The following KCTD8 variants were observed in gnomAD, a reference collection of about 807,000 sequenced individuals.
KCTD8 encodes potassium channel tetramerization domain containing 8.
In KCTD8, 27 loss-of-function variants were observed where a neutral mutation model predicts 31.5. The observed-to-expected ratio is 0.86, with a 90% CI of 0.63 to 1.18. The LOEUF (loss-of-function observed/expected upper bound fraction) is 1.18. Among genes scored for constraint, KCTD8 ranks in the 50% most tolerant of loss-of-function variants. KCTD8 has a pLI of 0.00. For missense variants in KCTD8, 658 were observed against 647.7 expected (o/e 1.02, Z -0.17); for synonymous variants, 290 against 280.0 (o/e 1.04, Z -0.36).
intron 1 of KCTD8, among the ~76,000 whole-genome samples, chr4:44,246,135 C>T (rs1000409394): frequency 6.6e-6 from 1 of 151,970 alleles, no homozygotes; most frequent in Non-Finnish European, 1.5e-5. Flanking sequence ...ATGGGAAATC[C>T]TTCTAATCTA....
At chr4:44,397,190 G>C (rs1720526381) in intron 1 of KCTD8, among the ~76,000 whole-genome samples, 2 of 152,078 alleles carry the variant, frequency 1.3e-5, no homozygotes, top group African/African-American at 4.8e-5. Context: ...AAACCTAAAT[G>C]AATCAGTTTC....
At chr4:44,325,395 G>A (rs2109408894) in intron 1 of KCTD8, among the ~76,000 whole-genome samples, 1 of 152,050 alleles carries the variant, frequency 6.6e-6, no homozygotes, top group South Asian at 2.1e-4. Context: ...GTGAACATAT[G>A]TTGGTCAAAG....
intron 1 of KCTD8, among the ~76,000 whole-genome samples, chr4:44,232,870 G>A (rs896076139): frequency 7.2e-5 from 11 of 151,878 alleles, no homozygotes; most frequent in Non-Finnish European, 1.6e-4. Flanking sequence ...TAGAAATGTG[G>A]ACATAAATGA....
chr4:44,391,591 T>A (rs1435925439), intron 1 of KCTD8, among the ~76,000 whole-genome samples: 2 of 151,370 alleles, frequency 1.3e-5, no homozygotes, highest in Non-Finnish European at 2.9e-5. Context: ...ATATAACATA[T>A]ATAATATATA....
chr4:44,312,933 T>C (rs1170410389), intron 1 of KCTD8, among the ~76,000 whole-genome samples: 2 of 152,238 alleles, frequency 1.3e-5, no homozygotes, highest in African/African-American at 4.8e-5. Context: ...GAGGAGGCAA[T>C]TGGCATTCTC....
chr4:44,414,554 G>T (rs556262450), intron 1 of KCTD8, among the ~76,000 whole-genome samples: 1 of 152,242 alleles, frequency 6.6e-6, no homozygotes, highest in Middle Eastern at 3.4e-3. Flanking sequence ...AAAACTGGGT[G>T]GCCCCTGAGG....
chr4:44,192,410 G>A (rs1001996913), intron 1 of KCTD8, among the ~76,000 whole-genome samples: 4 of 150,182 alleles, frequency 2.7e-5, no homozygotes, highest in African/African-American at 4.9e-5. Flanking sequence ...TCATCCACTC[G>A]TATGTCCTGA....
chr4:44,279,678 A>G (rs1716846424), intron 1 of KCTD8, among the ~76,000 whole-genome samples: 1 of 152,078 alleles, frequency 6.6e-6, no homozygotes, highest in Non-Finnish European at 1.5e-5. Flanking sequence ...TCTGCCTACC[A>G]AAAGGATTAG....
At chr4:44,296,874 G>A (rs1391580469) in intron 1 of KCTD8, among the ~76,000 whole-genome samples, 1 of 151,560 alleles carries the variant, frequency 6.6e-6, no homozygotes, top group African/African-American at 2.4e-5. Flanking sequence ...CTATCCTCAG[G>A]GTCACAGAGT....
At chr4:44,352,296 T>A (rs1374765837) in intron 1 of KCTD8, among the ~76,000 whole-genome samples, 1 of 151,980 alleles carries the variant, frequency 6.6e-6, no homozygotes, top group Non-Finnish European at 1.5e-5. Flanking sequence ...ATATATGTGA[T>A]GATGGTTAGC....
At position 44,447,588 on chromosome 4, in the gene KCTD8, G is replaced by C; in HGVS notation, c.936C>G (p.Ser312Arg). The C allele has an allele frequency of 6.3e-7, 1 of 1,596,912 alleles. No individual in the cohort carries two copies. The highest frequency in any genetic ancestry group is 8.5e-7 in the Non-Finnish European group (1 of 1,171,198). ...VNQYRDDKIW[S>R]SYTEYIFFRP... ...GGAAGAAAATGTACTCGGTGTAGCTGCTCCAGATCTTGTCGTCGCGGTACT... is the reference window on the plus strand; with the variant it reads ...GGAAGAAAATGTACTCGGTGTAGCTCCTCCAGATCTTGTCGTCGCGGTACT... The change falls in exon 1 of 2, where the codon AGC becomes AGG. Residue 312 changes from serine to arginine, a missense_variant. Coordinates refer to ENST00000360029, the MANE Select transcript of KCTD8 (RefSeq NM_198353.3).
chr4:44,415,714 C>T (rs746088206), intron 1 of KCTD8, among the ~76,000 whole-genome samples: 1 of 152,188 alleles, frequency 6.6e-6, no homozygotes, highest in Non-Finnish European at 1.5e-5. Flanking sequence ...CGGTGTTAAG[C>T]CTGCAGGCAA....
At chr4:44,237,457 G>T (rs1348731583) in intron 1 of KCTD8, among the ~76,000 whole-genome samples, 1 of 152,178 alleles carries the variant, frequency 6.6e-6, no homozygotes, top group Non-Finnish European at 1.5e-5. Flanking sequence ...GAGTTGAGTG[G>T]CCTGTAGTTC....
chr4:44,350,169 A>T (rs1303438623), intron 1 of KCTD8, among the ~76,000 whole-genome samples: 2 of 152,128 alleles, frequency 1.3e-5, no homozygotes, highest in African/African-American at 4.8e-5. Flanking sequence ...TTTTCCATCT[A>T]TTAAATATGT....
rs755392751 is a variant in KCTD8, at chr4:44,448,108, A to T, written c.416T>A (p.Leu139His). ...RLLREAEYFQ[L>H]TDLVKLLSPK... is the part of the protein sequence containing the mutation. The stretch of plus-strand genomic sequence containing the variant: ...CGACAGCAGCTTGACCAAGTCGGTG[A>T]GCTGGAAATACTCGGCCTCGCGCAG... Residue 139 changes from leucine (L) to histidine (H), a missense_variant, in exon 1 of 2, where the codon CTC becomes CAC. Coordinates refer to ENST00000360029, the MANE Select transcript of KCTD8 (RefSeq NM_198353.3). This position sits in a 1 kb window ranked among gnomAD's most constrained non-coding sequence, Gnocchi z 4.1. 1 of 1,612,430 alleles carries T rather than the reference A, an allele frequency of 6.2e-7. No homozygotes were observed. Among genetic ancestry groups the T allele is most frequent in the South Asian group, 1.1e-5 (1 of 91,036 alleles).
At chr4:44,316,147 T>G (rs1268912858) in intron 1 of KCTD8, among the ~76,000 whole-genome samples, 1 of 152,108 alleles carries the variant, frequency 6.6e-6, no homozygotes, top group Non-Finnish European at 1.5e-5. Flanking sequence ...ATTTCCTTGA[T>G]TTTTTTCTTT....
At chr4:44,406,820 T>A (rs1720809072) in intron 1 of KCTD8, among the ~76,000 whole-genome samples, 1 of 152,236 alleles carries the variant, frequency 6.6e-6, no homozygotes, top group Admixed American at 6.5e-5. Flanking sequence ...TCTTGACACA[T>A]TATTTTTGTC....
chr4:44,301,274 T>A (rs1295801192), intron 1 of KCTD8, among the ~76,000 whole-genome samples: 1 of 152,182 alleles, frequency 6.6e-6, no homozygotes, highest in Non-Finnish European at 1.5e-5. Flanking sequence ...TAGTTTTAGA[T>A]CCCTGAGGAA....
rs113447429 is a variant in KCTD8 at position 44,249,577 on chromosome 4, G to A, written c.962-74327C>T. ...ATGACAAATAAATAAGCATGGTTTC[G>A]TTTCAATAAAATTTTATTTACACAA... On this transcript the variant is annotated intron_variant, in intron 1 of 1. Transcript: ENST00000360029. Among the ~76,000 whole-genome samples, 91 of 151,812 alleles carry A rather than the reference G, an allele frequency of 6.0e-4. 1 individual carries two copies. Among genetic ancestry groups the A allele is most frequent in the African/African-American group, 1.8e-3 (75 of 41,476 alleles).
Sources: allele counts gnomAD v4.1 joint callset (sites outside exome capture counted in the v4.1 genomes callset), GRCh38; gene constraint gnomAD v4.1.1; non-coding constraint Gnocchi (gnomAD v3.1); transcripts MANE v1.5; gene names NCBI Gene and HGNC (gene_info 2026-07-23, HGNC 2026-07-21).